OPA3: variants seen among roughly 807,000 people sequenced by gnomAD.
OPA3 encodes the protein optic atrophy 3 protein.
A neutral mutation model predicts 4.0 loss-of-function variants in OPA3; 6 were observed. The observed-to-expected ratio is 1.51, with a 90% CI of 0.83 to 2.99. The LOEUF (loss-of-function observed/expected upper bound fraction) is 2.99. OPA3 is among the 30% of genes most tolerant of loss of function. The pLI is 0.00. For missense variants in OPA3, 235 were observed against 256.2 expected, an observed-to-expected ratio of 0.92 and a Z score of 0.56; for synonymous variants, 105 against 117.1, an observed-to-expected ratio of 0.90 and a Z score of 0.67.
At chr19:45,544,626 C>T (rs1430018605), downstream of OPA3, among the ~76,000 whole-genome samples, 1 of 152,148 alleles carries the variant, frequency 6.6e-6, no homozygotes, top group Non-Finnish European at 1.5e-5. Context: ...GAAACCTTGT[C>T]TCCACCAAAA....
rs1181396046 is a variant in OPA3 at position 45,537,396 on chromosome 19, C to CAAAA, written c.143-7944_143-7941dup. Among the ~76,000 whole-genome samples the CAAAA allele has an allele frequency of 7.3e-4, 21 of 28,898 alleles. 1 individual carries two copies. The highest frequency in any genetic ancestry group is 2.6e-3 in the South Asian group (1 of 384). 19.0% of individuals were successfully genotyped at this position (28,898 alleles called of 152,430 possible). On this transcript the variant is annotated intron_variant, in intron 1 of 1. Transcript: ENST00000323060. ...TGGATGACAGAGCAAGACTCTGTCT[C>CAAAA]AAAAAAAAAAAAAAAAAAAAAAAAA...
rs1372779900 is a variant in OPA3, at chr19:45,579,584, T to C, written c.142+5039A>G. On this transcript the variant is annotated intron_variant, in intron 1 of 1. Transcript: ENST00000263275. ...GAATGTAAGGTACCTGAGGGCAAGATGTTTTGCTTTTTCCTGCCTGTTGTA... is the reference window on the plus strand; with the variant it reads ...GAATGTAAGGTACCTGAGGGCAAGACGTTTTGCTTTTTCCTGCCTGTTGTA... Among the ~76,000 whole-genome samples the C allele has an allele frequency of 2.0e-5, 3 of 152,140 alleles. No homozygotes were observed. In the East Asian group the frequency reaches 5.8e-4, roughly 29 times the overall value.
intron 1 of OPA3, among the ~76,000 whole-genome samples, chr19:45,531,815 A>C (rs1969064149): frequency 6.6e-6 from 1 of 152,136 alleles, no homozygotes; most frequent in Non-Finnish European, 1.5e-5. Flanking sequence ...CACCAAGATG[A>C]ATGTTTTTCT....
chr19:45,532,199 A>T (rs181502121), intron 1 of OPA3, among the ~76,000 whole-genome samples: 2 of 152,326 alleles, frequency 1.3e-5, no homozygotes, highest in African/African-American at 4.8e-5. Flanking sequence ...CTGGTGGGTG[A>T]CATCATGTCA....
intron 1 of OPA3, among the ~76,000 whole-genome samples, chr19:45,533,726 A>T (rs1033965952): frequency 2.6e-5 from 4 of 152,092 alleles, no homozygotes; most frequent in Non-Finnish European, 4.4e-5. Flanking sequence ...TCAGTCTCCT[A>T]TGGGAGGGGC....
At position 45,548,620 on chromosome 19, in the gene OPA3, G is replaced by A. The variant is rs748204782; in HGVS notation, c.*4894C>T. 3.0e-6 allele frequency: 3 copies of A among 985,130 alleles called. No homozygotes were observed. Among genetic ancestry groups the A allele is most frequent in the Non-Finnish European group, 3.6e-6 (3 of 829,884 alleles). The allele number at this position is 985,130 out of a possible 1,614,324, so 61.0% of individuals were successfully genotyped here. On this transcript the variant is annotated 3_prime_UTR_variant, in exon 2 of 2. Transcript: ENST00000263275. ...TGTGACCCCAGCATAGGGTGGGGCA[G>A]AGAGTGGGTAACTCAGTGAGTTTTG... is the stretch of plus-strand genomic sequence containing the variant.
chr19:45,539,336 C>T (rs776163013), intron 1 of OPA3, among the ~76,000 whole-genome samples: 4 of 152,200 alleles, frequency 2.6e-5, no homozygotes, highest in Non-Finnish European at 4.4e-5. Context: ...GTGGCTTACA[C>T]ACCTGTATTC....
In OPA3 at chr19:45,529,182, C is replaced by T. The variant is rs764652387; in HGVS notation, c.417G>A (p.Gln139=). The T allele has an allele frequency of 4.3e-6, 7 of 1,610,558 alleles. No individual in the cohort carries two copies. In the Admixed American group the frequency reaches 1.0e-4, roughly 23 times the overall value. Residue 139 remains glutamine, a synonymous_variant, in exon 2 of 2, where the codon CAG becomes CAA. Coordinates refer to the OPA3 transcript ENST00000323060. ...CGAGCTGCGTCGACGTCGCCTGCACCTGCGCCTGCAACTCCTCGAGCGCCA... is the reference window on the plus strand; with the variant it reads ...CGAGCTGCGTCGACGTCGCCTGCACTTGCGCCTGCAACTCCTCGAGCGCCA...
intron 1 of OPA3, among the ~76,000 whole-genome samples, chr19:45,576,582 A>C (rs900543962): frequency 6.1e-5 from 9 of 146,422 alleles, no homozygotes; most frequent in Non-Finnish European, 1.0e-4. Context: ...TCACTAGGCT[A>C]ATCTCAAGGT....
intron 1 of OPA3, chr19:45,584,227 T>G: frequency 1.9e-6 from 1 of 519,930 alleles, no homozygotes; most frequent in Non-Finnish European, 2.5e-6. Context: ...GTGCCGCTTT[T>G]GAAATGAAGT....
At chr19:45,541,338 A>C (rs1401355081), downstream of OPA3, among the ~76,000 whole-genome samples, 3 of 152,100 alleles carry the variant, frequency 2.0e-5, no homozygotes, top group South Asian at 2.1e-4. Flanking sequence ...CAGAGCCCCC[A>C]TGCCACATAG....
At chr19:45,556,260 C>CCTGAGT (rs1969419446) in intron 1 of OPA3, among the ~76,000 whole-genome samples, 1 of 152,186 alleles carries the variant, frequency 6.6e-6, no homozygotes, top group South Asian at 2.1e-4. Context: ...CTTCCCACCT[C>CCTGAGT]AGCCTCCTGA....
chr19:45,564,428 G>T (rs887017872), intron 1 of OPA3, among the ~76,000 whole-genome samples: 1 of 152,284 alleles, frequency 6.6e-6, no homozygotes, highest in Non-Finnish European at 1.5e-5. Flanking sequence ...TCCTTGACTG[G>T]GGGTAAACCA....
chr19:45,572,644 C>CAT (rs1277616485), intron 1 of OPA3, among the ~76,000 whole-genome samples: 1 of 120,454 alleles, frequency 8.3e-6, no homozygotes, highest in Non-Finnish European at 1.8e-5. Context: ...ATATATATAT[C>CAT]GATATATATC....
At position 45,553,539 on chromosome 19, in the gene OPA3, T is replaced by C; in HGVS notation, c.515A>G (p.His172Arg). 1.2e-6 allele frequency: 2 copies of C among 1,613,376 alleles called. No individual in the cohort carries two copies. Among genetic ancestry groups the C allele is most frequent in the Non-Finnish European group, 8.5e-7 (1 of 1,179,994 alleles). ...CTATTTCTTGGACGCAGGCACTGCG[T>C]GGGAAGCGGACCGGCCGGGATTGCA... Reference protein sequence around the residue: ...QLCNPGRSASHAVPASKK With the variant: ...QLCNPGRSASRAVPASKK The change falls in exon 2 of 2, where the codon CAC (histidine) becomes CGC (arginine). Residue 172 changes from histidine to arginine, a missense_variant. His to Arg is a conservative substitution (Grantham distance 29, BLOSUM62 0). Coordinates refer to ENST00000263275, the MANE Select transcript of OPA3 (RefSeq NM_025136.4).
downstream of OPA3, among the ~76,000 whole-genome samples, chr19:45,545,429 G>T (rs1005254033): frequency 6.6e-5 from 10 of 151,746 alleles, no homozygotes; most frequent in African/African-American, 2.4e-4. Context: ...TACTCTGGAG[G>T]CTGACATGGG....
chr19:45,552,919 G>A lies in OPA3; in HGVS notation c.*595C>T, dbSNP rs539993852. The stretch of plus-strand genomic sequence containing the variant: ...TGGAACTCCTGACCTCAAGTGATCC[G>A]CCCGCCTCGGCCTCCCAAGGTGCTA... On this transcript the variant is annotated 3_prime_UTR_variant, in exon 2 of 2. Transcript: ENST00000263275. The A allele has an allele frequency of 4.8e-5, 42 of 868,670 alleles. No individual in the cohort carries two copies. Among genetic ancestry groups the A allele is most frequent in the Admixed American group, 1.2e-4 (2 of 16,272 alleles). The allele number at this position is 868,670 out of a possible 1,614,324, so 53.8% of individuals were successfully genotyped here. A position where few individuals can be genotyped will look rare whatever the true frequency, so the allele number is the denominator to read the frequency against.
chr19:45,540,871 C>T (rs1002634889), intron 1 of OPA3, among the ~76,000 whole-genome samples: 1 of 152,082 alleles, frequency 6.6e-6, no homozygotes, highest in African/African-American at 2.4e-5. Flanking sequence ...TTGGCAAATG[C>T]TGTCATGAAT....
chr19:45,537,411 A>AAAAAAAAAAAAAG (rs1568396412), intron 1 of OPA3, among the ~76,000 whole-genome samples: 9 of 94,898 alleles, frequency 9.5e-5, no homozygotes, highest in African/African-American at 4.2e-4. Flanking sequence ...AAAAAAAAAA[A>AAAAAAAAAAAAAG]AAAAAAAAAA....
Sources: allele counts gnomAD v4.1 joint callset (sites outside exome capture counted in the v4.1 genomes callset), GRCh38; gene constraint gnomAD v4.1.1; transcripts MANE v1.5; gene names NCBI Gene and HGNC (gene_info 2026-07-23, HGNC 2026-07-21).